The following COG5 variants were observed in gnomAD, a reference collection of about 807,000 sequenced individuals.
COG5 encodes component of oligomeric golgi complex 5, also known as conserved oligomeric Golgi complex subunit 5.
COG5 carries 86 observed loss-of-function variants against 110.4 expected under a neutral mutation model. The ratio of observed to expected loss-of-function variants is 0.78; its 90% CI spans 0.65 to 0.93. The LOEUF (loss-of-function observed/expected upper bound fraction) is 0.93. Among genes scored for constraint, COG5 ranks in the 40% least tolerant of loss-of-function variants. COG5 has a pLI of 0.00. For synonymous variants in COG5, 360 were observed against 334.6 expected (o/e 1.08, Z -0.83); for missense variants, 1,077 against 987.0 (o/e 1.09, Z -1.22).
At chr7:107,270,882 CTTTTTTTTTT>C (rs56971368) in intron 14 of COG5, among the ~76,000 whole-genome samples, 9 of 68,748 alleles carry the variant, frequency 1.3e-4, no homozygotes, top group Admixed American at 3.8e-4. Flanking sequence ...CTAACTAGAA[CTTTTTTTTTT>C]TTTTTTTTTT....
chr7:107,340,121 G>C (rs1314260717), intron 10 of COG5, among the ~76,000 whole-genome samples: 1 of 151,868 alleles, frequency 6.6e-6, no homozygotes, highest in Non-Finnish European at 1.5e-5. Context: ...AAGGCTGATA[G>C]ACCACTAGCT....
intron 10 of COG5, among the ~76,000 whole-genome samples, chr7:107,325,644 C>G (rs2129028205): frequency 6.6e-6 from 1 of 151,170 alleles, no homozygotes; most frequent in African/African-American, 2.4e-5. Flanking sequence ...GACCAAAACT[C>G]AGTCTCAAGA....
intron 20 of COG5, 65 bp downstream of exon 20, chr7:107,211,034 G>C: frequency 6.4e-7 from 1 of 1,571,702 alleles, no homozygotes; most frequent in Non-Finnish European, 8.7e-7. Context: ...GTGAGTAGGG[G>C]CTCAGGATTC....
intron 14 of COG5, among the ~76,000 whole-genome samples, chr7:107,259,162 A>G (rs888683200): frequency 2.3e-4 from 35 of 152,124 alleles, no homozygotes; most frequent in Admixed American, 2.2e-3. Flanking sequence ...AATATCAACC[A>G]TTCTCATATT....
chr7:107,316,614 C>G (rs1159637351), intron 11 of COG5, among the ~76,000 whole-genome samples: 1 of 143,410 alleles, frequency 7.0e-6, no homozygotes, highest in Non-Finnish European at 1.5e-5. Flanking sequence ...GAGATTGAGA[C>G]CATTCTGGCT....
chr7:107,376,250 G>T (rs1814627999), intron 7 of COG5, among the ~76,000 whole-genome samples: 2 of 151,896 alleles, frequency 1.3e-5, no homozygotes. Flanking sequence ...TTTGGTATAG[G>T]CTCTTCTTGA....
chr7:107,306,097 A>G (rs1807691625), intron 11 of COG5, among the ~76,000 whole-genome samples: 1 of 152,206 alleles, frequency 6.6e-6, no homozygotes, highest in East Asian at 1.9e-4. Flanking sequence ...GCAAACTTGC[A>G]AACACCTACT....
At chr7:107,323,920 A>G (rs1252209657) in intron 11 of COG5, among the ~76,000 whole-genome samples, 2 of 152,218 alleles carry the variant, frequency 1.3e-5, no homozygotes, top group African/African-American at 2.4e-5. Context: ...TAGATCTACC[A>G]GTCCATTATT....
chr7:107,498,842 T>C (rs62483681), intron 6 of COG5, among the ~76,000 whole-genome samples: 8,570 of 152,238 alleles, frequency 0.056, 326 homozygotes, highest in Non-Finnish European at 0.084. Context: ...GTATCTGCAC[T>C]CTCATGTTCA....
chr7:107,249,500 C>T (rs963503199), intron 16 of COG5, among the ~76,000 whole-genome samples: 1 of 151,732 alleles, frequency 6.6e-6, no homozygotes, highest in Non-Finnish European at 1.5e-5. Context: ...GACTGAGGCT[C>T]AAAACACGTA....
intron 19 of COG5, among the ~76,000 whole-genome samples, chr7:107,222,484 G>T (rs1284958009): frequency 6.6e-6 from 1 of 152,126 alleles, no homozygotes; most frequent in Non-Finnish European, 1.5e-5. Flanking sequence ...GATTACAGGC[G>T]TGAGCCACCA....
chr7:107,415,818 A>T lies in COG5; in HGVS notation c.539-3186T>A, dbSNP rs536526900. Among the ~76,000 whole-genome samples, 3 of 103,016 alleles carry T rather than the reference A, an allele frequency of 2.9e-5. 1 individual carries two copies. The East Asian group carries it at 8.1e-4, about 28-fold the overall frequency. 67.6% of individuals were successfully genotyped at this position (103,016 alleles called of 152,430 possible). On this transcript the variant is annotated intron_variant, in intron 6 of 21. Coordinates refer to ENST00000297135, the MANE Select transcript of COG5 (RefSeq NM_006348.5). ...TATGTATGTGTGTATATATACACACATACACGTATGTATGTATGTGTGTGT... is the reference window on the plus strand; with the variant it reads ...TATGTATGTGTGTATATATACACACTTACACGTATGTATGTATGTGTGTGT...
chr7:107,349,422 G>A (rs908417902), intron 10 of COG5, among the ~76,000 whole-genome samples: 6 of 151,628 alleles, frequency 4.0e-5, no homozygotes, highest in African/African-American at 7.3e-5. Context: ...TTTTTGAGGC[G>A]GAGTCTTGCT....
intron 6 of COG5, among the ~76,000 whole-genome samples, chr7:107,476,775 A>T (rs533773607): frequency 1.3e-5 from 2 of 151,842 alleles, no homozygotes; most frequent in African/African-American, 4.8e-5. Context: ...CACTAAACCA[A>T]GTAGCAATTC....
At chr7:107,559,562 T>A (rs1056328661) in intron 1 of COG5, among the ~76,000 whole-genome samples, 2 of 152,212 alleles carry the variant, frequency 1.3e-5, no homozygotes, top group Non-Finnish European at 2.9e-5. Flanking sequence ...AATTAACTAA[T>A]CTATACATCA....
chr7:107,295,924 G>A (rs1806700083), intron 12 of COG5, among the ~76,000 whole-genome samples: 2 of 152,086 alleles, frequency 1.3e-5, no homozygotes, highest in African/African-American at 2.4e-5. Flanking sequence ...CCAAGTAGCT[G>A]GGATTACAGG....
At chr7:107,520,994 T>C (rs1800284175) in intron 6 of COG5, among the ~76,000 whole-genome samples, 1 of 152,108 alleles carries the variant, frequency 6.6e-6, no homozygotes, top group Non-Finnish European at 1.5e-5. Context: ...ACACTACACA[T>C]GTACAACCAG....
intron 14 of COG5, among the ~76,000 whole-genome samples, chr7:107,259,589 CA>C (rs1310344412): frequency 1.3e-5 from 2 of 151,924 alleles, no homozygotes; most frequent in African/African-American, 2.4e-5. Context: ...AGACTCGGGG[CA>C]GGGGGGGTCA....
rs536995257 is a variant in COG5, at chr7:107,235,597, G to T, written c.2091+853C>A. Reference sequence around the variant, plus strand: ...GCGTGCCTGTAGTTCCAGCTACTCGGGAAGCTGAGGCAGAGGAATCACTTG... The same window carrying T: ...GCGTGCCTGTAGTTCCAGCTACTCGTGAAGCTGAGGCAGAGGAATCACTTG... On this transcript the variant is annotated intron_variant, in intron 18 of 21. Coordinates refer to ENST00000297135, the MANE Select transcript of COG5 (RefSeq NM_006348.5). Among the ~76,000 whole-genome samples, 4 of 152,322 alleles carry T rather than the reference G, an allele frequency of 2.6e-5. No individual in the cohort carries two copies. The East Asian group carries it at 7.7e-4, about 29-fold the overall frequency.
Sources: gnomAD v4.1 joint callset for allele counts (sites outside exome capture counted in the v4.1 genomes callset) on GRCh38, gnomAD v4.1.1 for gene constraint, MANE v1.5 for transcripts, NCBI Gene and HGNC (gene_info 2026-07-23, HGNC 2026-07-21) for gene names.